The following BMAL1 variants were observed in gnomAD, a reference collection of about 807,000 sequenced individuals.
The protein encoded by BMAL1 is basic helix-loop-helix ARNT-like protein 1.
chr11:13,351,817 C>T, the BMAL1 span, among the ~76,000 whole-genome samples: 3 of 152,112 alleles, frequency 2.0e-5, no homozygotes, highest in Non-Finnish European at 4.4e-5. Flanking sequence ...CTGGTCAACC[C>T]AACAAGGGCT....
chr11:13,306,770 C>G, the BMAL1 span, among the ~76,000 whole-genome samples: 1 of 152,208 alleles, frequency 6.6e-6, no homozygotes, highest in African/African-American at 2.4e-5. Context: ...GGTTCCATGA[C>G]TGGGAAGGAT....
the BMAL1 span, among the ~76,000 whole-genome samples, chr11:13,346,405 G>A: frequency 6.6e-6 from 1 of 152,168 alleles, no homozygotes; most frequent in Non-Finnish European, 1.5e-5. Context: ...TCTGAACTGG[G>A]GGTCTTGGAT....
chr11:13,316,968 A>G, the BMAL1 span, among the ~76,000 whole-genome samples: 5 of 152,306 alleles, frequency 3.3e-5, no homozygotes, highest in African/African-American at 9.6e-5. Context: ...GACTTAAGAC[A>G]AACCCACCAA....
At chr11:13,290,307 T>C in the BMAL1 span, among the ~76,000 whole-genome samples, 1 of 152,212 alleles carries the variant, frequency 6.6e-6, no homozygotes, top group African/African-American at 2.4e-5. Flanking sequence ...GAATCTATTA[T>C]CTGTAGACAC....
At chr11:13,349,068 A>G in the BMAL1 span, among the ~76,000 whole-genome samples, 6 of 152,162 alleles carry the variant, frequency 3.9e-5, no homozygotes, top group African/African-American at 1.4e-4. Context: ...AATCCTCCAC[A>G]TGAGTCATAG....
At chr11:13,339,492 C>T in the BMAL1 span, among the ~76,000 whole-genome samples, 1 of 150,976 alleles carries the variant, frequency 6.6e-6, no homozygotes, top group South Asian at 2.1e-4. Context: ...AGACTTAAAA[C>T]CTAAGAGGGA....
chr11:13,338,987 A>G, the BMAL1 span, among the ~76,000 whole-genome samples: 1 of 152,222 alleles, frequency 6.6e-6, no homozygotes, highest in African/African-American at 2.4e-5. Context: ...CCCACACTGA[A>G]CATGTCCCAA....
At chr11:13,378,203 C>T in the BMAL1 span, 1 of 1,243,240 alleles carries the variant, frequency 8.0e-7, no homozygotes, top group Non-Finnish European at 1.1e-6. Context: ...AAGCTGTAGC[C>T]CTAAAGTCCC....
the BMAL1 span, chr11:13,355,436 G>T: frequency 1.2e-6 from 1 of 850,836 alleles, no homozygotes; most frequent in Non-Finnish European, 1.9e-6. Flanking sequence ...TTTGTCTTGA[G>T]CAAGCGCTAA....
At chr11:13,324,399 G>A in the BMAL1 span, among the ~76,000 whole-genome samples, 14 of 152,160 alleles carry the variant, frequency 9.2e-5, no homozygotes, top group Middle Eastern at 3.4e-3. Flanking sequence ...TGTTCCCCCT[G>A]TTGTCTCATG....
chr11:13,301,752 T>C, the BMAL1 span, among the ~76,000 whole-genome samples: 5 of 152,222 alleles, frequency 3.3e-5, no homozygotes, highest in East Asian at 5.8e-4. Flanking sequence ...ATGGAGAGTA[T>C]CAGGTGCCAG....
the BMAL1 span, chr11:13,378,363 G>GTTCCAGGGA: frequency 6.2e-7 from 1 of 1,612,758 alleles, no homozygotes; most frequent in Non-Finnish European, 8.5e-7. Context: ...CCACCCCACT[G>GTTCCAGGGA]TTCCAGGGAT....
the BMAL1 span, among the ~76,000 whole-genome samples, chr11:13,286,077 A>G: frequency 2.6e-5 from 4 of 152,232 alleles, no homozygotes; most frequent in Non-Finnish European, 4.4e-5. Context: ...TTTCTATAAG[A>G]AACAATGAAG....
the BMAL1 span, among the ~76,000 whole-genome samples, chr11:13,318,544 G>GT: frequency 1.0e-3 from 50 of 49,340 alleles, 4 homozygotes; most frequent in African/African-American, 2.7e-3. Context: ...AAGACACTTA[G>GT]TTTTTTTTTT....
At chr11:13,365,695 C>A in the BMAL1 span, 2 of 880,244 alleles carry the variant, frequency 2.3e-6, no homozygotes, top group Non-Finnish European at 3.5e-6. Flanking sequence ...ATGTGAACTT[C>A]TTCCAGAAAA....
the BMAL1 span, among the ~76,000 whole-genome samples, chr11:13,374,703 G>C: frequency 6.6e-6 from 1 of 152,032 alleles, no homozygotes; most frequent in Non-Finnish European, 1.5e-5. Flanking sequence ...TGCCTACTTA[G>C]AGACCTGTGA....
chr11:13,337,747 A>G, the BMAL1 span, among the ~76,000 whole-genome samples: 1 of 152,176 alleles, frequency 6.6e-6, no homozygotes, highest in East Asian at 1.9e-4. Flanking sequence ...TTTCCTATTC[A>G]TAGTCTCTGC....
At chr11:13,279,788 T>G in the BMAL1 span, among the ~76,000 whole-genome samples, 94,828 of 152,140 alleles carry the variant, frequency 0.62, 30,424 homozygotes, top group Non-Finnish European at 0.71. Context: ...CTGAAGCTGG[T>G]TCTGTAGAAG....
At chr11:13,376,564 C>T in the BMAL1 span, 1 of 1,414,450 alleles carries the variant, frequency 7.1e-7, no homozygotes, top group Non-Finnish European at 1.0e-6. Flanking sequence ...GGACACCGGA[C>T]ACCTTGGCCA....
Sources: gnomAD v4.1 joint callset for allele counts (sites outside exome capture counted in the v4.1 genomes callset) on GRCh38, gnomAD v4.1.1 for gene constraint, MANE v1.5 for transcripts, NCBI Gene and HGNC (gene_info 2026-07-23, HGNC 2026-07-21) for gene names.